Variants in SH2B3 observed in about 807,000 individuals in gnomAD.
The protein encoded by SH2B3 is SH2B adapter protein 3.
A neutral mutation model predicts 51.9 loss-of-function variants in SH2B3; 43 were observed. That is an observed-to-expected ratio of 0.83 (90% confidence interval 0.65 to 1.07). The LOEUF (loss-of-function observed/expected upper bound fraction) is 1.07. SH2B3 is among the 50% of genes least tolerant of loss of function. The pLI is 0.00. For missense variants in SH2B3, 952 were observed against 834.3 expected (o/e 1.14, Z -1.74); for synonymous variants, 396 against 376.0 (o/e 1.05, Z -0.62).
intron 2 of SH2B3, among the ~76,000 whole-genome samples, chr12:111,446,444 G>A (rs1487427129): frequency 6.6e-6 from 1 of 152,244 alleles, no homozygotes; most frequent in East Asian, 1.9e-4. Flanking sequence ...GGAGCTGTTT[G>A]CTCACCAGTG....
chr12:111,405,849 G>T (rs1042458343), upstream of SH2B3: 5 of 151,390 alleles, frequency 3.3e-5, no homozygotes, highest in African/African-American at 4.8e-5. This position sits in a 1 kb window ranked among gnomAD's most constrained non-coding sequence, Gnocchi z 5.4. Context: ...GCTCCTGGTG[G>T]CCCCGCCCCT....
rs1555227628 is a variant in SH2B3, at chr12:111,449,303, A to G, written c.*1001A>G. 6.6e-6 allele frequency: 1 copy of G among 152,276 alleles called. No homozygotes were observed. Among genetic ancestry groups the G allele is most frequent in the Non-Finnish European group, 1.5e-5 (1 of 68,044 alleles). The allele number at this position is 152,276 out of a possible 1,614,324, so 9.4% of individuals were successfully genotyped here. On this transcript the variant is annotated 3_prime_UTR_variant, in exon 8 of 8. Coordinates refer to ENST00000341259, the MANE Select transcript of SH2B3 (RefSeq NM_005475.3). Reference sequence around the variant, plus strand: ...GGCCCTTTCTAGTAAATCCTTCAGCAACAAGGCTGGCTTGGTGCCCTCCAA... The same window carrying G: ...GGCCCTTTCTAGTAAATCCTTCAGCGACAAGGCTGGCTTGGTGCCCTCCAA...
chr12:111,418,654 C>A lies in SH2B3; in HGVS notation c.509C>A (p.Ala170Asp). 1 of 1,484,540 alleles carries A rather than the reference C, an allele frequency of 6.7e-7. No individual in the cohort carries two copies. The highest frequency in any genetic ancestry group is 8.9e-7 in the Non-Finnish European group (1 of 1,126,622). The allele number at this position is 1,484,540 out of a possible 1,614,324, so 92.0% of individuals were successfully genotyped here. ...AAAPGTPGEA[A>D]ETPARPGLAK... ...GCCCCCGGGACCCCCGGAGAGGCTG[C>A]TGAGACCCCCGCCCGGCCTGGCCTG... Residue 170 changes from alanine to aspartate, a missense_variant, in exon 2 of 8, where the codon GCT becomes GAT. Ala to Asp is a moderately radical substitution (Grantham distance 126, BLOSUM62 -2). Transcript: ENST00000341259. This position sits in a 1 kb window ranked among gnomAD's most constrained non-coding sequence, Gnocchi z 6.7.
At chr12:111,425,232 G>T (rs1015337026) in intron 2 of SH2B3, among the ~76,000 whole-genome samples, 2 of 152,152 alleles carry the variant, frequency 1.3e-5, no homozygotes, top group African/African-American at 4.8e-5. Context: ...GTGTGCAAGG[G>T]GAGGCCACAG....
At chr12:111,443,545 C>T (rs1367452806) in intron 2 of SH2B3, 1 of 152,162 alleles carries the variant, frequency 6.6e-6, no homozygotes, top group Non-Finnish European at 1.5e-5. Flanking sequence ...TTGTCCCTGT[C>T]TTGTAATTAG....
In SH2B3 at chr12:111,429,478, C is replaced by T. The variant is rs1331547717; in HGVS notation, c.732+10601C>T. Among the ~76,000 whole-genome samples the T allele has an allele frequency of 6.6e-6, 1 of 152,038 alleles. No homozygotes were observed. The highest frequency in any genetic ancestry group is 1.5e-5 in the Non-Finnish European group (1 of 68,004). The stretch of plus-strand genomic sequence containing the variant: ...TCCCGAGTAGCTGGGATTACAGGCG[C>T]CCACCACCACACTCCGCTAATTTTT... On this transcript the variant is annotated intron_variant, in intron 2 of 7. Transcript: ENST00000341259. This position sits in a 1 kb window ranked among gnomAD's most constrained non-coding sequence, Gnocchi z 4.4.
intron 2 of SH2B3, 109 bp from the exon 3 acceptor site, chr12:111,446,644 A>T: frequency 1.6e-6 from 1 of 636,846 alleles, no homozygotes; most frequent in Non-Finnish European, 2.7e-6. Context: ...AACACCATGG[A>T]TACTCTCTCT....
intron 2 of SH2B3, among the ~76,000 whole-genome samples, chr12:111,434,368 G>A (rs1157666677): frequency 2.6e-5 from 4 of 152,276 alleles, no homozygotes; most frequent in African/African-American, 4.8e-5. Flanking sequence ...CGTGGATTTC[G>A]ACTGTTTCTC....
chr12:111,424,793 A>G (rs1362454493), intron 2 of SH2B3, among the ~76,000 whole-genome samples: 1 of 152,204 alleles, frequency 6.6e-6, no homozygotes, highest in Non-Finnish European at 1.5e-5. Flanking sequence ...CTTGCCAGGT[A>G]GTCAACTGTG....
At chr12:111,437,438 A>T (rs909483810) in intron 2 of SH2B3, among the ~76,000 whole-genome samples, 1 of 152,124 alleles carries the variant, frequency 6.6e-6, no homozygotes, top group African/African-American at 2.4e-5. Context: ...CTGGCCCATA[A>T]TGAACAGGGT....
At chr12:111,415,094 C>T (rs372018435) in intron 1 of SH2B3, among the ~76,000 whole-genome samples, 1 of 152,168 alleles carries the variant, frequency 6.6e-6, no homozygotes, top group Non-Finnish European at 1.5e-5. Flanking sequence ...TGAAGGAGGG[C>T]GTGATTGGAG....
At chr12:111,430,099 G>C (rs1270452002) in intron 2 of SH2B3, among the ~76,000 whole-genome samples, 1 of 152,168 alleles carries the variant, frequency 6.6e-6, no homozygotes, top group Non-Finnish European at 1.5e-5. Context: ...TCCTCACTCT[G>C]TCCTGGGCTG....
At position 111,448,046 on chromosome 12, in the gene SH2B3, A is replaced by G; in HGVS notation, c.1472A>G (p.His491Arg). 3 of 1,612,740 alleles carry G rather than the reference A, an allele frequency of 1.9e-6. No individual in the cohort carries two copies. Among genetic ancestry groups the G allele is most frequent in the Non-Finnish European group, 1.7e-6 (2 of 1,179,126 alleles). ...CACTGGGATTCAGAGTCCCTTCCTCACTGGGGTTCAGAGTTGGGCCTTCCC... is the reference window on the plus strand; with the variant it reads ...CACTGGGATTCAGAGTCCCTTCCTCGCTGGGGTTCAGAGTTGGGCCTTCCC... ...LPHWDSESLPHWGSELGLPHL... is the reference protein window; with the variant it reads ...LPHWDSESLPRWGSELGLPHL... Residue 491 changes from histidine (H) to arginine (R), a missense_variant, in exon 8 of 8, where the codon CAC becomes CGC. Transcript: ENST00000341259.
At chr12:111,430,990 C>A (rs920804745) in intron 2 of SH2B3, among the ~76,000 whole-genome samples, 1 of 150,194 alleles carries the variant, frequency 6.7e-6, no homozygotes, top group Middle Eastern at 3.2e-3. Context: ...AAACTGATTG[C>A]GCTAGAAGAG....
chr12:111,447,030 G>A lies in SH2B3; in HGVS notation c.923G>A (p.Arg308Gln), dbSNP rs181079548. 31 of 1,613,140 alleles carry A rather than the reference G, an allele frequency of 1.9e-5. No homozygotes were observed. The highest frequency in any genetic ancestry group is 1.6e-4 in the Middle Eastern group (1 of 6,062). The stretch of plus-strand genomic sequence containing the variant: ...GCTGAGCTCTCGGAGTGCACAGGCC[G>A]AGGGTGAGGTCCTGGGCCCTCGTCC... ...WMAELSECTG[R>Q]GLESTEAEMH... Residue 308 changes from arginine to glutamine, a missense_variant, in exon 4 of 8, where the codon CGA becomes CAA. Arg to Gln is a conservative substitution (Grantham distance 43, BLOSUM62 1). Transcript: ENST00000341259.
In SH2B3 at chr12:111,447,770, G is replaced by A. The variant is rs773486842; in HGVS notation, c.1351G>A (p.Gly451Ser). ...FQRSPIPLEC[G>S]AACDVRLSSY... ...GCGCTCGCCCATCCCACTCGAGTGCGGCGCCGCCTGTGATGTCCGGCTCTC... is the reference window on the plus strand; with the variant it reads ...GCGCTCGCCCATCCCACTCGAGTGCAGCGCCGCCTGTGATGTCCGGCTCTC... The change falls in exon 7 of 8, where the codon GGC (glycine) becomes AGC (serine). Residue 451 changes from glycine (G) to serine (S), a missense_variant. Transcript: ENST00000341259. The A allele has an allele frequency of 6.1e-5, 99 of 1,614,024 alleles. No individual in the cohort carries two copies. Among genetic ancestry groups the A allele is most frequent in the Non-Finnish European group, 7.4e-5 (87 of 1,180,024 alleles).
rs763701790 is a variant in SH2B3, at chr12:111,448,061, T to G, written c.1487T>G (p.Leu496Trp). 1.9e-6 allele frequency: 3 copies of G among 1,613,944 alleles called. No homozygotes were observed. The highest frequency in any genetic ancestry group is 2.5e-6 in the Non-Finnish European group (3 of 1,179,958). ...SESLPHWGSE[L>W]GLPHLSSSGC... ...TCCCTTCCTCACTGGGGTTCAGAGT[T>G]GGGCCTTCCCCACCTTAGTTCTTCT... The change falls in exon 8 of 8, where the codon TTG becomes TGG. Residue 496 changes from leucine to tryptophan, a missense_variant. Leu to Trp is a moderately conservative substitution (Grantham distance 61). Transcript: ENST00000341259.
chr12:111,426,398 T>G (rs989464541), intron 2 of SH2B3, among the ~76,000 whole-genome samples: 11 of 151,260 alleles, frequency 7.3e-5, no homozygotes, highest in Non-Finnish European at 1.0e-4. Context: ...TTTTTTTTTT[T>G]TTTTGTTAAG....
chr12:111,444,117 C>T (rs1361252272), intron 2 of SH2B3: 1 of 152,252 alleles, frequency 6.6e-6, no homozygotes, highest in Non-Finnish European at 1.5e-5. Context: ...ATCGCTTGAA[C>T]TCAGGAGGTG....
Sources: gnomAD v4.1 joint callset for allele counts (sites outside exome capture counted in the v4.1 genomes callset) on GRCh38, gnomAD v4.1.1 for gene constraint, Gnocchi (gnomAD v3.1) non-coding constraint, MANE v1.5 for transcripts, NCBI Gene and HGNC (gene_info 2026-07-23, HGNC 2026-07-21) for gene names.